The following LRRTM4 variants were observed in gnomAD, a reference collection of about 807,000 sequenced individuals.
LRRTM4 encodes the protein leucine-rich repeat transmembrane neuronal protein 4.
Under a neutral mutation model 47.6 loss-of-function variants are expected in LRRTM4, and 25 were observed. The observed-to-expected ratio is 0.53, with a 90% CI of 0.38 to 0.73. The LOEUF (loss-of-function observed/expected upper bound fraction) is 0.73. LRRTM4 is among the 30% of genes least tolerant of loss of function. The pLI, the probability that LRRTM4 is intolerant of heterozygous loss-of-function variation, is 0.00. For synonymous variants in LRRTM4, 311 were observed against 269.5 expected (o/e 1.15, Z -1.51); for missense variants, 638 against 713.4 (o/e 0.89, Z 1.20).
At chr2:77,133,482 T>A (rs867453238) in intron 3 of LRRTM4, among the ~76,000 whole-genome samples, 2 of 152,332 alleles carry the variant, frequency 1.3e-5, no homozygotes, top group Middle Eastern at 3.4e-3. Flanking sequence ...AAGAATGAGT[T>A]ACTTCAAGGG....
chr2:77,470,544 T>G (rs979648306), intron 3 of LRRTM4, among the ~76,000 whole-genome samples: 2 of 152,062 alleles, frequency 1.3e-5, no homozygotes, highest in Non-Finnish European at 2.9e-5. Flanking sequence ...GAGTAAGCAT[T>G]AAGTCCAAGG....
rs565858237 is a variant in LRRTM4, at chr2:77,364,118, A to G, written c.1551+154200T>C. Reference sequence around the variant, plus strand: ...CATATATTTAGAAGCAGAGAATGCCATGGATGACTACAAAAAAAAAAAAAA... The same window carrying G: ...CATATATTTAGAAGCAGAGAATGCCGTGGATGACTACAAAAAAAAAAAAAA... On this transcript the variant is annotated intron_variant, in intron 3 of 3. Transcript: ENST00000409884. 2.7e-4 allele frequency among the ~76,000 whole-genome samples: 39 copies of G among 145,474 alleles called. No individual in the cohort carries two copies. The South Asian group carries it at 7.6e-3, about 28-fold the overall frequency.
intron 3 of LRRTM4, among the ~76,000 whole-genome samples, chr2:77,051,176 G>T (rs1404665896): frequency 1.3e-5 from 2 of 151,840 alleles, no homozygotes; most frequent in Admixed American, 1.3e-4. Context: ...AAGATCAGGG[G>T]TGCTGCTGAA....
intron 3 of LRRTM4, among the ~76,000 whole-genome samples, chr2:76,973,718 G>C (rs1035754561): frequency 1.3e-5 from 2 of 151,920 alleles, no homozygotes; most frequent in Non-Finnish European, 2.9e-5. Context: ...CAAGATGGAT[G>C]AATAGGCTTA....
At chr2:76,973,658 C>T (rs1676297560) in intron 3 of LRRTM4, among the ~76,000 whole-genome samples, 1 of 151,896 alleles carries the variant, frequency 6.6e-6, no homozygotes, top group Non-Finnish European at 1.5e-5. Flanking sequence ...TTTATTCTAT[C>T]AGTGCTAATA....
chr2:77,224,598 A>G (rs1230574408), intron 3 of LRRTM4, among the ~76,000 whole-genome samples: 3 of 152,236 alleles, frequency 2.0e-5, no homozygotes, highest in Admixed American at 6.5e-5. Flanking sequence ...GCAGCCAAAA[A>G]ACACATAAAA....
chr2:77,101,294 A>G (rs139453354), intron 3 of LRRTM4, among the ~76,000 whole-genome samples: 69 of 152,286 alleles, frequency 4.5e-4, no homozygotes, highest in African/African-American at 1.4e-3. Flanking sequence ...AGACATGCAT[A>G]TATATCTCCT....
chr2:77,123,482 G>A (rs952354553), intron 3 of LRRTM4, among the ~76,000 whole-genome samples: 2 of 151,920 alleles, frequency 1.3e-5, no homozygotes, highest in South Asian at 2.1e-4. Context: ...GTATTTTTGT[G>A]GGACTATGCC....
intron 3 of LRRTM4, among the ~76,000 whole-genome samples, chr2:77,317,166 T>C (rs1178383224): frequency 6.6e-6 from 1 of 152,190 alleles, no homozygotes; most frequent in African/African-American, 2.4e-5. Context: ...ATAGCTTATA[T>C]ATTGCCATCC....
rs1005716790 is a variant in LRRTM4 at position 76,781,554 on chromosome 2, A to T, written c.1552-32638T>A. 5.3e-5 allele frequency among the ~76,000 whole-genome samples: 8 copies of T among 152,250 alleles called. No individual in the cohort carries two copies. The East Asian group carries it at 1.2e-3, about 22-fold the overall frequency. On this transcript the variant is annotated intron_variant, in intron 3 of 3. Coordinates refer to ENST00000409884, the MANE Select transcript of LRRTM4 (RefSeq NM_001134745.3). Reference sequence around the variant, plus strand: ...CATCACCCCTTTCTTTGACTCAGAAAGGGAACTCCGTGACCCCTTGCGCTT... The same window carrying T: ...CATCACCCCTTTCTTTGACTCAGAATGGGAACTCCGTGACCCCTTGCGCTT...
chr2:77,073,654 T>C (rs1680237534), intron 3 of LRRTM4, among the ~76,000 whole-genome samples: 1 of 152,138 alleles, frequency 6.6e-6, no homozygotes, highest in Non-Finnish European at 1.5e-5. Flanking sequence ...TTCAAATACA[T>C]TGAAAAATAT....
intron 3 of LRRTM4, among the ~76,000 whole-genome samples, chr2:77,160,893 T>C (rs987854510): frequency 1.3e-5 from 2 of 152,210 alleles, no homozygotes; most frequent in Non-Finnish European, 2.9e-5. Flanking sequence ...TTGCACATAG[T>C]CATTATATGA....
intron 3 of LRRTM4, among the ~76,000 whole-genome samples, chr2:76,758,930 A>G (rs1673157839): frequency 6.6e-6 from 1 of 152,190 alleles, no homozygotes. Flanking sequence ...AATAGGCTTG[A>G]ACAAAACATA....
At chr2:77,373,450 T>C (rs1354793674) in intron 3 of LRRTM4, among the ~76,000 whole-genome samples, 5 of 151,742 alleles carry the variant, frequency 3.3e-5, no homozygotes, top group Non-Finnish European at 7.4e-5. Flanking sequence ...GGGGCAGCTG[T>C]CCTTCTATAA....
intron 3 of LRRTM4, among the ~76,000 whole-genome samples, chr2:77,375,346 T>A (rs1487411150): frequency 6.6e-6 from 1 of 151,738 alleles, no homozygotes; most frequent in African/African-American, 2.4e-5. Context: ...ATATGCACCA[T>A]ACCCGTGTAA....
intron 3 of LRRTM4, among the ~76,000 whole-genome samples, chr2:77,498,148 G>A (rs1678432483): frequency 6.6e-6 from 1 of 151,686 alleles, no homozygotes; most frequent in African/African-American, 2.4e-5. Context: ...TCAGTCTATG[G>A]CATTTGTTCA....
At chr2:77,242,155 ATCTT>A (rs1675285649) in intron 3 of LRRTM4, among the ~76,000 whole-genome samples, 1 of 152,142 alleles carries the variant, frequency 6.6e-6, no homozygotes, top group Non-Finnish European at 1.5e-5. Flanking sequence ...TTTATGATGA[ATCTT>A]TCTATTTCTG....
At chr2:77,109,200 G>C (rs2103930169) in intron 3 of LRRTM4, among the ~76,000 whole-genome samples, 1 of 152,206 alleles carries the variant, frequency 6.6e-6, no homozygotes, top group East Asian at 1.9e-4. Flanking sequence ...CTTCAAAATT[G>C]TTTGGATTTT....
rs138905032 is a variant in LRRTM4, at chr2:77,360,476, TGATACGATACGATACGATAC to T, written c.1551+157822_1551+157841del. Among the ~76,000 whole-genome samples the T allele has an allele frequency of 3.3e-3, 407 of 123,280 alleles. 3 individuals are homozygous for T. Among genetic ancestry groups the T allele is most frequent in the African/African-American group, 0.011 (342 of 31,088 alleles). 80.9% of individuals were successfully genotyped at this position (123,280 alleles called of 152,430 possible). ...CCATCTCAAAAAATACAATACGATA[TGATACGATACGATACGATAC>T]GATACGATACGATACGATACGATAC... is the stretch of plus-strand genomic sequence containing the variant. On this transcript the variant is annotated intron_variant, in intron 3 of 3. Coordinates refer to ENST00000409884, the MANE Select transcript of LRRTM4 (RefSeq NM_001134745.3).
Sources: gnomAD v4.1 joint callset for allele counts (sites outside exome capture counted in the v4.1 genomes callset) on GRCh38, gnomAD v4.1.1 for gene constraint, MANE v1.5 for transcripts, NCBI Gene and HGNC (gene_info 2026-07-23, HGNC 2026-07-21) for gene names.